Variants in SBF2 observed in about 807,000 individuals in gnomAD.
The protein encoded by SBF2 is myotubularin-related protein 13.
In SBF2, 112 loss-of-function variants were observed where a neutral mutation model predicts 225.2. That is an observed-to-expected ratio of 0.50 (90% CI 0.43 to 0.58). SBF2 has a LOEUF of 0.58. Among genes scored for constraint, SBF2 ranks in the 20% least tolerant of loss-of-function variants. SBF2 has a pLI of 0.00. For missense variants in SBF2, 1,996 were observed against 2,206.2 expected, an observed-to-expected ratio of 0.90 and a Z score of 1.91; for synonymous variants, 763 against 773.3, an observed-to-expected ratio of 0.99 and a Z score of 0.22.
At chr11:9,781,370 G>C in intron 39 of SBF2, 137 bp downstream of exon 39, 1 of 1,143,608 alleles carries the variant, frequency 8.7e-7, no homozygotes, top group South Asian at 1.3e-5. Context: ...TTCAAGCTCT[G>C]GAACAATTCC....
chr11:9,919,613 T>C (rs1412668116), intron 16 of SBF2, among the ~76,000 whole-genome samples: 1 of 152,174 alleles, frequency 6.6e-6, no homozygotes, highest in African/African-American at 2.4e-5. Flanking sequence ...TGCTTTTCTA[T>C]ACAATGTCTG....
At chr11:10,128,955 C>T (rs1464891254) in intron 2 of SBF2, among the ~76,000 whole-genome samples, 3 of 152,098 alleles carry the variant, frequency 2.0e-5, no homozygotes, top group Non-Finnish European at 2.9e-5. Context: ...CCTGCACCAA[C>T]GTAGATAGTA....
chr11:10,146,961 A>G (rs1161698923), intron 2 of SBF2, among the ~76,000 whole-genome samples: 1 of 152,128 alleles, frequency 6.6e-6, no homozygotes, highest in Non-Finnish European at 1.5e-5. Flanking sequence ...ATATGAAAAA[A>G]GCTCAATTTC....
intron 2 of SBF2, among the ~76,000 whole-genome samples, chr11:10,156,724 G>T (rs1023364286): frequency 2.6e-5 from 4 of 152,156 alleles, no homozygotes; most frequent in Non-Finnish European, 5.9e-5. Flanking sequence ...AGGTAAAGGA[G>T]CGCTACAAGA....
Position 9,780,473 on chromosome 11 carries a change from C to G in SBF2, c.5495G>C (p.Gly1832Ala), listed in dbSNP as rs753527830. 1.2e-6 allele frequency: 2 copies of G among 1,614,108 alleles called. No individual in the cohort carries two copies. The change falls in exon 40 of 40, where the codon GGA becomes GCA. Residue 1832 changes from glycine to alanine, a missense_variant. Physicochemically the swap from Gly to Ala is moderately conservative, Grantham distance 60. Coordinates refer to ENST00000256190, the MANE Select transcript of SBF2 (RefSeq NM_030962.4). Reference protein sequence around the residue: ...KRVYNFCAQDGQSAQQWMDKI... With the variant: ...KRVYNFCAQDAQSAQQWMDKI... ...GTCCATCCATTGCTGGGCACTCTGTCCATCCTGGGCGCAGAAGTTATACAC... is the reference window on the plus strand; with the variant it reads ...GTCCATCCATTGCTGGGCACTCTGTGCATCCTGGGCGCAGAAGTTATACAC...
chr11:10,302,060 A>G (rs1017998241), intron 1 of SBF2, among the ~76,000 whole-genome samples: 3 of 151,960 alleles, frequency 2.0e-5, no homozygotes, highest in African/African-American at 7.3e-5. Context: ...CCTTCCTTGT[A>G]CTGTCCTTGC....
At chr11:10,125,263 C>T (rs1953696183) in intron 2 of SBF2, among the ~76,000 whole-genome samples, 1 of 151,982 alleles carries the variant, frequency 6.6e-6, no homozygotes, top group Non-Finnish European at 1.5e-5. Flanking sequence ...GCATATTACT[C>T]TCTCAACAGA....
intron 2 of SBF2, among the ~76,000 whole-genome samples, chr11:10,161,788 A>G (rs1440652893): frequency 3.4e-5 from 5 of 147,384 alleles, no homozygotes; most frequent in Non-Finnish European, 7.5e-5. Flanking sequence ...CAACATAGCA[A>G]GACCTCCTTC....
In SBF2 at chr11:9,856,521, T is replaced by C; in HGVS notation, c.2300A>G (p.Lys767Arg). The change falls in exon 19 of 40, where the codon AAG becomes AGG. Residue 767 changes from lysine (K) to arginine (R), a missense_variant. Coordinates refer to ENST00000256190, the MANE Select transcript of SBF2 (RefSeq NM_030962.4). ...LLVPLDTSKN[K>R]LLRTSAPGDW... ...ACCTGGCGCTGATGTTCTTAGGAGC[T>C]TGTTTTTACTTGTGTCGAGTGGAAC... The C allele has an allele frequency of 6.2e-7, 1 of 1,614,198 alleles. No individual in the cohort carries two copies. The highest frequency in any genetic ancestry group is 8.5e-7 in the Non-Finnish European group (1 of 1,180,038).
At chr11:10,124,653 T>G (rs1953652636) in intron 2 of SBF2, among the ~76,000 whole-genome samples, 1 of 152,226 alleles carries the variant, frequency 6.6e-6, no homozygotes, top group Non-Finnish European at 1.5e-5. Context: ...GTGTGAAAAT[T>G]TCCTGACATT....
chr11:9,846,181 CG>C (rs1856535482), intron 23 of SBF2, among the ~76,000 whole-genome samples: 1 of 152,108 alleles, frequency 6.6e-6, no homozygotes, highest in South Asian at 2.1e-4. Flanking sequence ...CTTTGGTAGT[CG>C]GGACAGTGAG....
At chr11:9,973,108 C>A (rs548493848) in intron 13 of SBF2, among the ~76,000 whole-genome samples, 1 of 152,132 alleles carries the variant, frequency 6.6e-6, no homozygotes, top group East Asian at 1.9e-4. Context: ...TGTAAAGGAC[C>A]ACATTTGCTA....
intron 2 of SBF2, among the ~76,000 whole-genome samples, chr11:10,081,747 A>G (rs7942420): frequency 0.51 from 75,144 of 146,072 alleles, 19,861 homozygotes; most frequent in Admixed American, 0.6. Flanking sequence ...CCCACAGAGC[A>G]AGACTCCACC....
At chr11:9,880,354 G>A (rs1426230015) in intron 17 of SBF2, among the ~76,000 whole-genome samples, 3 of 152,112 alleles carry the variant, frequency 2.0e-5, no homozygotes, top group Non-Finnish European at 4.4e-5. Context: ...TAAATTTCGC[G>A]CTTCTTTTGA....
intron 16 of SBF2, among the ~76,000 whole-genome samples, chr11:9,942,184 C>T (rs1865291963): frequency 6.6e-6 from 1 of 152,194 alleles, no homozygotes; most frequent in Non-Finnish European, 1.5e-5. Context: ...TCTCCCATCT[C>T]AGCCTCTCAT....
intron 1 of SBF2, among the ~76,000 whole-genome samples, chr11:10,285,501 C>A (rs916534822): frequency 6.6e-6 from 1 of 152,214 alleles, no homozygotes; most frequent in Non-Finnish European, 1.5e-5. Flanking sequence ...CAACTTTCTA[C>A]ATCCAAGTAA....
intron 1 of SBF2, among the ~76,000 whole-genome samples, chr11:10,234,183 G>A (rs1392757498): frequency 1.3e-5 from 2 of 152,088 alleles, no homozygotes; most frequent in African/African-American, 2.4e-5. Flanking sequence ...ATATGGATAA[G>A]CTATTAAAAA....
rs35752884 is a variant in SBF2 at position 9,870,972 on chromosome 11, G to GAA, written c.1930-12578_1930-12577dup. ...CTGCCAACAGAGTGAGAATCCGTCT[G>GAA]AAAAAAAAAAAAAAAAAGTAACTCA... On this transcript the variant is annotated intron_variant, in intron 17 of 39. Transcript: ENST00000256190. 2.1e-4 allele frequency among the ~76,000 whole-genome samples: 22 copies of GAA among 106,538 alleles called. 1 individual carries two copies. The highest frequency in any genetic ancestry group is 4.5e-4 in the African/African-American group (14 of 31,434). The allele number at this position is 106,538 out of a possible 152,430, so 69.9% of individuals were successfully genotyped here. A position where few individuals can be genotyped will look rare whatever the true frequency, so the allele number is the denominator to read the frequency against.
chr11:9,988,704 T>C (rs551255414), intron 13 of SBF2, among the ~76,000 whole-genome samples: 3 of 152,328 alleles, frequency 2.0e-5, no homozygotes, highest in African/African-American at 4.8e-5. Context: ...CACAGCGCGA[T>C]ACCATCTTAC....
Sources: allele counts gnomAD v4.1 joint callset (sites outside exome capture counted in the v4.1 genomes callset), GRCh38; gene constraint gnomAD v4.1.1; transcripts MANE v1.5; gene names NCBI Gene and HGNC (gene_info 2026-07-23, HGNC 2026-07-21).